The following RASAL1 variants were observed in gnomAD, a reference collection of about 807,000 sequenced individuals.
RASAL1 encodes RAS protein activator like 1, also known as rasGAP-activating-like protein 1.
Under a neutral mutation model 96.6 loss-of-function variants are expected in RASAL1, and 72 were observed. The ratio of observed to expected loss-of-function variants is 0.75; its 90% CI spans 0.62 to 0.91. The LOEUF is 0.91. Among genes scored for constraint, RASAL1 ranks in the 40% least tolerant of loss-of-function variants. RASAL1 has a pLI of 0.00. For synonymous variants in RASAL1, 405 were observed against 430.4 expected, an observed-to-expected ratio of 0.94 and a Z score of 0.73; for missense variants, 1,016 against 1,072.5, an observed-to-expected ratio of 0.95 and a Z score of 0.74.
chr12:113,124,217 CAA>C (rs35190885), intron 4 of RASAL1, among the ~76,000 whole-genome samples: 29,771 of 98,216 alleles, frequency 0.3, 3,086 homozygotes, highest in Middle Eastern at 0.38. Flanking sequence ...GACTCTGTCT[CAA>C]AAAAAAAAAA....
Position 113,115,565 on chromosome 12 carries a change from C to T in RASAL1, c.1003+70G>A. ...TCCCTCTGCCTGAGGCCTCCCCATT[C>T]CTCCCCCAGGACCCTCCTGCAAGCC... is the stretch of plus-strand genomic sequence containing the variant. On this transcript the variant is annotated intron_variant, in intron 10 of 20. Transcript: ENST00000548055. This position sits in a 1 kb window ranked among gnomAD's most constrained non-coding sequence, Gnocchi z 4.1. The T allele has an allele frequency of 6.4e-7, 1 of 1,558,688 alleles. No individual in the cohort carries two copies. The highest frequency in any genetic ancestry group is 2.3e-4 in the Middle Eastern group (1 of 4,262).
Position 113,130,834 on chromosome 12 carries a change from C to T in RASAL1, c.122+51G>A. 9.4e-6 allele frequency: 14 copies of T among 1,492,594 alleles called. No individual in the cohort carries two copies. Among genetic ancestry groups the T allele is most frequent in the Non-Finnish European group, 1.3e-5 (14 of 1,078,234 alleles). 92.5% of individuals were successfully genotyped at this position (1,492,594 alleles called of 1,614,324 possible). ...ATTCTTGGTCCCAGATTCCCCAGGT[C>T]TAGAAAGAGACCCCTCCCTTCCTCC... On this transcript the variant is annotated intron_variant, in intron 2 of 20. Coordinates refer to ENST00000548055, the MANE Select transcript of RASAL1 (RefSeq NM_001301202.2). The surrounding 1 kb of genome is among the most constrained non-coding windows in gnomAD (Gnocchi z 5.1).
chr12:113,099,838 G>C lies in RASAL1; in HGVS notation c.*91C>G. The C allele has an allele frequency of 6.6e-7, 1 of 1,509,334 alleles. No individual in the cohort carries two copies. The highest frequency in any genetic ancestry group is 1.3e-5 in the South Asian group (1 of 76,632). The allele number at this position is 1,509,334 out of a possible 1,614,324, so 93.5% of individuals were successfully genotyped here. On this transcript the variant is annotated 3_prime_UTR_variant, in exon 21 of 21. Coordinates refer to ENST00000548055, the MANE Select transcript of RASAL1 (RefSeq NM_001301202.2). Reference sequence around the variant, plus strand: ...GCCTCCAAACCACAGAATCAAAGAGGTCCAAGGAGACAGGAGACTCCCGGG... The same window carrying C: ...GCCTCCAAACCACAGAATCAAAGAGCTCCAAGGAGACAGGAGACTCCCGGG...
intron 19 of RASAL1, 45 bp from the exon 20 acceptor site, chr12:113,100,725 A>T: frequency 6.5e-7 from 1 of 1,542,632 alleles, no homozygotes; most frequent in Non-Finnish European, 9.0e-7. Context: ...CCTGATTCCC[A>T]TTCCTGCTTC....
intron 1 of RASAL1, among the ~76,000 whole-genome samples, chr12:113,131,685 C>A (rs542906652): frequency 1.3e-5 from 2 of 152,332 alleles, no homozygotes; most frequent in Admixed American, 1.3e-4. Context: ...TAATAACAGT[C>A]ACCAGCAAAT....
intron 18 of RASAL1, among the ~76,000 whole-genome samples, chr12:113,103,476 C>T (rs936903630): frequency 2.6e-5 from 4 of 151,934 alleles, no homozygotes; most frequent in Admixed American, 6.6e-5. Context: ...TGCAGTGGTA[C>T]GCACCTATAA....
intron 4 of RASAL1, among the ~76,000 whole-genome samples, chr12:113,125,417 AC>A (rs1447175039): frequency 1.3e-5 from 2 of 152,210 alleles, no homozygotes; most frequent in Non-Finnish European, 2.9e-5. Flanking sequence ...AAGGCAAACA[AC>A]CTAGTGGGGG....
intron 1 of RASAL1, among the ~76,000 whole-genome samples, chr12:113,132,848 T>G (rs2136276299): frequency 6.6e-6 from 1 of 152,354 alleles, no homozygotes; most frequent in Non-Finnish European, 1.5e-5. Flanking sequence ...GGATCCTACA[T>G]CTGAATCCCC....
chr12:113,099,915 G>A lies in RASAL1; in HGVS notation c.*14C>T, dbSNP rs1408851950. On this transcript the variant is annotated 3_prime_UTR_variant, in exon 21 of 21. Coordinates refer to ENST00000548055, the MANE Select transcript of RASAL1 (RefSeq NM_001301202.2). The stretch of plus-strand genomic sequence containing the variant: ...GGCTCTTGCTCCTCCTTCCGGGCTA[G>A]CTCTGGCATTTCCTTAGGGGCCAAG... The A allele has an allele frequency of 4.4e-6, 7 of 1,606,274 alleles. No individual in the cohort carries two copies. The highest frequency in any genetic ancestry group is 1.1e-5 in the South Asian group (1 of 90,642).
At chr12:113,114,486 A>G (rs1358311640) in intron 12 of RASAL1, among the ~76,000 whole-genome samples, 1 of 152,026 alleles carries the variant, frequency 6.6e-6, no homozygotes. Context: ...AAAAAAAAAA[A>G]AAAGAAAAAA....
chr12:113,103,957 G>T lies in RASAL1; in HGVS notation c.2093C>A (p.Ala698Asp). 1 of 1,558,002 alleles carries T rather than the reference G, an allele frequency of 6.4e-7. No homozygotes were observed. The highest frequency in any genetic ancestry group is 8.7e-7 in the Non-Finnish European group (1 of 1,152,866). Residue 698 changes from alanine (A) to aspartate (D), a missense_variant, in exon 18 of 21, where the codon GCT (alanine) becomes GAT (aspartate). Ala to Asp is a moderately radical substitution (Grantham distance 126). Coordinates refer to ENST00000548055, the MANE Select transcript of RASAL1 (RefSeq NM_001301202.2). ...CCCTGCCCCCTCACCTGAGCGCTCAGCCTGGAGGCAGCAGGTCCAGCGCGC... is the reference window on the plus strand; with the variant it reads ...CCCTGCCCCCTCACCTGAGCGCTCATCCTGGAGGCAGCAGGTCCAGCGCGC... ...RSARWTCCLQ[A>D]ERSAAGCSRT... is the part of the protein sequence containing the mutation.
intron 4 of RASAL1, among the ~76,000 whole-genome samples, chr12:113,125,843 C>T (rs1303191642): frequency 6.6e-6 from 1 of 152,176 alleles, no homozygotes. Flanking sequence ...AGACTATGAC[C>T]TCCCTAGATG....
chr12:113,115,047 G>A lies in RASAL1; in HGVS notation c.1069-135C>T. 1.9e-6 allele frequency: 2 copies of A among 1,060,344 alleles called. No individual in the cohort carries two copies. Among genetic ancestry groups the A allele is most frequent in the Middle Eastern group, 2.4e-4 (1 of 4,084 alleles). The allele number at this position is 1,060,344 out of a possible 1,614,324, so 65.7% of individuals were successfully genotyped here. On this transcript the variant is annotated intron_variant, in intron 11 of 20. Transcript: ENST00000548055. The surrounding 1 kb of genome is among the most constrained non-coding windows in gnomAD (Gnocchi z 4.1). ...GCTGGGGTAGGGGACACATCCAGGTGCAACTCAGGGCAAGGCCGGGCACCA... is the reference window on the plus strand; with the variant it reads ...GCTGGGGTAGGGGACACATCCAGGTACAACTCAGGGCAAGGCCGGGCACCA...
At chr12:113,101,841 G>A (rs1318618794) in intron 19 of RASAL1, 48 bp downstream of exon 19, 1 of 1,592,342 alleles carries the variant, frequency 6.3e-7, no homozygotes, top group African/African-American at 1.3e-5. Context: ...GTGGGGGGCT[G>A]GCCTGGCTGG....
chr12:113,104,424 C>G, intron 16 of RASAL1, 126 bp from the exon 17 acceptor site: 2 of 882,492 alleles, frequency 2.3e-6, no homozygotes, highest in Non-Finnish European at 3.5e-6. Context: ...CCCTGTAAGT[C>G]TGTGCTCTGT....
intron 12 of RASAL1, among the ~76,000 whole-genome samples, chr12:113,113,721 G>A (rs1409808029): frequency 1.3e-5 from 2 of 152,124 alleles, no homozygotes; most frequent in Admixed American, 6.6e-5. Context: ...TCTCTGCCAC[G>A]GTCCCCAGTG....
rs563409445 is a variant in RASAL1 at position 113,108,349 on chromosome 12, A to T, written c.1375-127T>A. 1.3e-5 allele frequency: 15 copies of T among 1,185,546 alleles called. No homozygotes were observed. In the African/African-American group the frequency reaches 2.4e-4, roughly 19 times the overall value. The allele number at this position is 1,185,546 out of a possible 1,614,324, so 73.4% of individuals were successfully genotyped here. The stretch of plus-strand genomic sequence containing the variant: ...AGGATGGGGAATTGACCAGGAAGCC[A>T]CACCGGCTGGCCGAGGAAGTTTTTC... On this transcript the variant is annotated intron_variant, in intron 13 of 20. Coordinates refer to ENST00000548055, the MANE Select transcript of RASAL1 (RefSeq NM_001301202.2).
chr12:113,121,487 A>G (rs1389243499), intron 5 of RASAL1, 22 bp downstream of exon 5: 17 of 1,613,596 alleles, frequency 1.1e-5, no homozygotes, highest in Admixed American at 1.0e-4. Flanking sequence ...CACCCTCCAC[A>G]CCACCTCCAC....
Position 113,115,684 on chromosome 12 carries a change from C to A in RASAL1, c.954G>T (p.Leu318=), listed in dbSNP as rs137930457. ...KLVKLFLGRG[L]AGRFLDYLTR... ...TGAGATAGTCCAGAAAGCGCCCAGC[C>A]AGTCCCCGGCCAAGAAAGAGTTTCA... The change falls in exon 10 of 21, where the codon CTG becomes CTT. Residue 318 remains leucine (L), a synonymous_variant. Transcript: ENST00000548055. This position sits in a 1 kb window ranked among gnomAD's most constrained non-coding sequence, Gnocchi z 4.1. 273 of 1,613,916 alleles carry A rather than the reference C, an allele frequency of 1.7e-4. No individual in the cohort carries two copies. The highest frequency in any genetic ancestry group is 2.1e-4 in the Non-Finnish European group (246 of 1,180,006).
Sources: gnomAD v4.1 joint callset for allele counts (sites outside exome capture counted in the v4.1 genomes callset) on GRCh38, gnomAD v4.1.1 for gene constraint, Gnocchi (gnomAD v3.1) non-coding constraint, MANE v1.5 for transcripts, NCBI Gene and HGNC (gene_info 2026-07-23, HGNC 2026-07-21) for gene names.